Variants in DPP8 observed in about 807,000 individuals in gnomAD.
DPP8 encodes DPP VIII.
A neutral mutation model predicts 107.5 loss-of-function variants in DPP8; 31 were observed. The ratio of observed to expected loss-of-function variants is 0.29; its 90% CI spans 0.22 to 0.39. DPP8 has a LOEUF of 0.39. DPP8 is among the 10% of genes least tolerant of loss of function. DPP8 has a pLI of 1.00. For synonymous variants in DPP8, 381 were observed against 356.6 expected, an observed-to-expected ratio of 1.07 and a Z score of -0.77; for missense variants, 842 against 1,076.1, an observed-to-expected ratio of 0.78 and a Z score of 3.04.
chr15:65,469,669 A>G (rs2065680256), intron 12 of DPP8, among the ~76,000 whole-genome samples: 1 of 150,258 alleles, frequency 6.7e-6, no homozygotes, highest in African/African-American at 2.5e-5. Context: ...AAAAAAAAAA[A>G]AAAAAAAATT....
rs531713907 is a variant in DPP8, at chr15:65,491,050, C to T, written c.716-751G>A. On this transcript the variant is annotated intron_variant, in intron 5 of 19. Transcript: ENST00000300141. ...CCAGGAGCCTGTACTCTCAGCTACTCAGGAGTCTGAGGCAGGAGAATCGCT... is the reference window on the plus strand; with the variant it reads ...CCAGGAGCCTGTACTCTCAGCTACTTAGGAGTCTGAGGCAGGAGAATCGCT... Among the ~76,000 whole-genome samples, 14 of 149,850 alleles carry T rather than the reference C, an allele frequency of 9.3e-5. No homozygotes were observed. In the East Asian group the frequency reaches 2.2e-3, roughly 23 times the overall value.
At chr15:65,488,289 A>G (rs747187086) in intron 6 of DPP8, among the ~76,000 whole-genome samples, 3 of 152,194 alleles carry the variant, frequency 2.0e-5, no homozygotes, top group Non-Finnish European at 2.9e-5. Context: ...GACATGGCTT[A>G]AAAGTATTTT....
chr15:65,466,044 G>C, intron 14 of DPP8, among the ~76,000 whole-genome samples: 1 of 152,262 alleles, frequency 6.6e-6, no homozygotes, highest in East Asian at 1.9e-4. Flanking sequence ...TACTAGTTCA[G>C]AATACTATTC....
chr15:65,474,119 C>T (rs878963112), intron 12 of DPP8, 90 bp downstream of exon 12: 23 of 985,250 alleles, frequency 2.3e-5, no homozygotes, highest in Non-Finnish European at 3.2e-5. Flanking sequence ...AAAAAAATAC[C>T]GGGGTCATAT....
chr15:65,501,335 G>C lies in DPP8; in HGVS notation c.373-556C>G, dbSNP rs892449503. On this transcript the variant is annotated intron_variant, in intron 3 of 19. Transcript: ENST00000300141. ...TTAGATGATTACTGTATACATTAGA[G>C]AACAAGAATAAAGTCCAATCATGTT... Among the ~76,000 whole-genome samples the C allele has an allele frequency of 3.9e-5, 6 of 152,088 alleles. No individual in the cohort carries two copies. In the South Asian group the frequency reaches 8.3e-4, roughly 21 times the overall value.
chr15:65,456,389 CT>C lies in DPP8; in HGVS notation c.1972-19del. ...AACTGCACCTGAGGAAGAAACACAA[CT>C]TCAGTTTATCATATGGAAGCATATA... On this transcript the variant is annotated intron_variant, in intron 15 of 19. Transcript: ENST00000300141. 6.2e-7 allele frequency: 1 copy of C among 1,602,046 alleles called. No individual in the cohort carries two copies. The highest frequency in any genetic ancestry group is 8.5e-7 in the Non-Finnish European group (1 of 1,176,172).
chr15:65,448,688 A>G (rs868164137), intron 19 of DPP8, among the ~76,000 whole-genome samples: 1 of 127,736 alleles, frequency 7.8e-6, no homozygotes, highest in East Asian at 2.1e-4. Flanking sequence ...AAAAAAAAAA[A>G]AAATATATAT....
Position 65,446,869 on chromosome 15 carries a change from C to G in DPP8, c.*15G>C. The G allele has an allele frequency of 6.2e-7, 1 of 1,605,604 alleles. No individual in the cohort carries two copies. The highest frequency in any genetic ancestry group is 8.5e-7 in the Non-Finnish European group (1 of 1,176,664). On this transcript the variant is annotated 3_prime_UTR_variant, in exon 20 of 20. Coordinates refer to ENST00000300141, the MANE Select transcript of DPP8 (RefSeq NM_130434.5). ...AATAGCCAGTGTATACCAGAGAGTT[C>G]TACACAGGTCAAAATTATATCACTT...
intron 19 of DPP8, among the ~76,000 whole-genome samples, chr15:65,448,447 C>A (rs2063631803): frequency 6.6e-6 from 1 of 151,528 alleles, no homozygotes; most frequent in East Asian, 2.0e-4. Flanking sequence ...CTGACACGTA[C>A]AGATAACGAG....
chr15:65,448,695 A>ATC (rs1233207898), intron 19 of DPP8, among the ~76,000 whole-genome samples: 3 of 137,174 alleles, frequency 2.2e-5, no homozygotes, highest in African/African-American at 8.1e-5. Flanking sequence ...AAAAAAATAT[A>ATC]TATATATATA....
chr15:65,513,154 A>C (rs1237430697), intron 1 of DPP8, among the ~76,000 whole-genome samples: 1 of 152,188 alleles, frequency 6.6e-6, no homozygotes, highest in Non-Finnish European at 1.5e-5. Flanking sequence ...TAACTGGCTG[A>C]TGCATTTCTG....
intron 12 of DPP8, among the ~76,000 whole-genome samples, chr15:65,469,731 G>A (rs1336067384): frequency 6.6e-6 from 1 of 151,850 alleles, no homozygotes; most frequent in African/African-American, 2.4e-5. Flanking sequence ...AGCTACTCGG[G>A]AGGCTGAGGC....
intron 12 of DPP8, 71 bp downstream of exon 12, chr15:65,474,138 A>G: frequency 2.7e-6 from 3 of 1,123,948 alleles, no homozygotes; most frequent in East Asian, 4.7e-5. Context: ...ATTAAATTAC[A>G]TTACTCATTT....
At chr15:65,467,869 C>T (rs2065497195) in intron 12 of DPP8, among the ~76,000 whole-genome samples, 1 of 152,168 alleles carries the variant, frequency 6.6e-6, no homozygotes, top group African/African-American at 2.4e-5. Flanking sequence ...ATCATTCATA[C>T]ATACTTGAAA....
intron 1 of DPP8, chr15:65,516,629 CACTCAGA>C (rs1208779651): frequency 1.3e-5 from 2 of 152,224 alleles, no homozygotes; most frequent in Non-Finnish European, 2.9e-5. Context: ...CTAAGCCCCT[CACTCAGA>C]AATAGAGCAT....
chr15:65,476,603 A>G (rs900966401), intron 11 of DPP8, among the ~76,000 whole-genome samples: 1 of 152,202 alleles, frequency 6.6e-6, no homozygotes, highest in African/African-American at 2.4e-5. Context: ...TGGTGTTCCA[A>G]TGGTGTAGCT....
chr15:65,477,210 C>G (rs1397566462), intron 11 of DPP8, among the ~76,000 whole-genome samples: 1 of 151,970 alleles, frequency 6.6e-6, no homozygotes, highest in Non-Finnish European at 1.5e-5. Flanking sequence ...CACATGAGGT[C>G]AGGAGTTCGA....
intron 8 of DPP8, among the ~76,000 whole-genome samples, chr15:65,483,118 A>G (rs935253973): frequency 6.6e-6 from 1 of 151,890 alleles, no homozygotes; most frequent in African/African-American, 2.4e-5. Context: ...TAAATAAAAT[A>G]AAAAAACAAA....
Position 65,451,675 on chromosome 15 carries a change from A to C in DPP8, c.2414+285T>G, listed in dbSNP as rs74736222. On this transcript the variant is annotated intron_variant, in intron 18 of 19. Coordinates refer to ENST00000300141, the MANE Select transcript of DPP8 (RefSeq NM_130434.5). The stretch of plus-strand genomic sequence containing the variant: ...CCCGGTGGCTCATGCCTGTAATCCC[A>C]GCACTTTGGGAGTCTGAGGTGGGCA... Among the ~76,000 whole-genome samples the C allele has an allele frequency of 3.1e-3, 465 of 152,278 alleles. 1 individual carries two copies. Among genetic ancestry groups the C allele is most frequent in the African/African-American group, 0.011 (448 of 41,564 alleles).
Sources: gnomAD v4.1 joint callset for allele counts (sites outside exome capture counted in the v4.1 genomes callset) on GRCh38, gnomAD v4.1.1 for gene constraint, MANE v1.5 for transcripts, NCBI Gene and HGNC (gene_info 2026-07-23, HGNC 2026-07-21) for gene names.